Variants in SORCS2 observed in about 807,000 individuals in gnomAD.
The protein encoded by SORCS2 is VPS10 domain-containing receptor SorCS2.
A neutral mutation model predicts 141.6 loss-of-function variants in SORCS2; 100 were observed. That is an observed-to-expected ratio of 0.71 (90% confidence interval 0.60 to 0.83). SORCS2 has a LOEUF of 0.83. SORCS2 is among the 40% of genes least tolerant of loss of function. The pLI is 0.00. For missense variants in SORCS2, 1,646 were observed against 1,560.2 expected, an observed-to-expected ratio of 1.05 and a Z score of -0.93; for synonymous variants, 789 against 676.9, an observed-to-expected ratio of 1.17 and a Z score of -2.57.
chr4:7,562,131 G>A (rs1019934303), intron 3 of SORCS2, among the ~76,000 whole-genome samples: 3 of 152,286 alleles, frequency 2.0e-5, no homozygotes, highest in South Asian at 2.1e-4. Context: ...TGAACTTCTC[G>A]ATTGATTATA....
At chr4:7,486,212 A>G (rs910220089) in intron 2 of SORCS2, among the ~76,000 whole-genome samples, 3 of 152,240 alleles carry the variant, frequency 2.0e-5, no homozygotes, top group African/African-American at 7.2e-5. Context: ...AGCCCCGTCC[A>G]GTGGAGGGGG....
chr4:7,264,571 G>C (rs533622540), intron 1 of SORCS2, among the ~76,000 whole-genome samples: 90 of 152,364 alleles, frequency 5.9e-4, no homozygotes, highest in African/African-American at 2.1e-3. Flanking sequence ...TCCGTGGAGT[G>C]ATGGTGAGGT....
chr4:7,372,741 C>T (rs952852048), intron 1 of SORCS2, among the ~76,000 whole-genome samples: 3 of 152,184 alleles, frequency 2.0e-5, no homozygotes, highest in Non-Finnish European at 2.9e-5. Flanking sequence ...TTGTGGTCAA[C>T]GCCCCCACCC....
At chr4:7,703,450 G>C in intron 13 of SORCS2, 79 bp downstream of exon 13, 2 of 1,176,052 alleles carry the variant, frequency 1.7e-6, no homozygotes, top group Non-Finnish European at 2.4e-6. Flanking sequence ...TCTCAGACTA[G>C]TCCCCAGAAT....
At chr4:7,499,440 G>C (rs1439347698) in intron 2 of SORCS2, among the ~76,000 whole-genome samples, 1 of 152,180 alleles carries the variant, frequency 6.6e-6, no homozygotes, top group African/African-American at 2.4e-5. Flanking sequence ...TTCCAGGGAT[G>C]CCACTGCAGG....
At chr4:7,295,606 T>C (rs56243848) in intron 1 of SORCS2, among the ~76,000 whole-genome samples, 17,635 of 152,218 alleles carry the variant, frequency 0.12, 1,392 homozygotes, top group Admixed American at 0.23. Context: ...CTCACGTCCA[T>C]GTCCTCTGGC....
At chr4:7,338,231 G>T (rs1005686258) in intron 1 of SORCS2, among the ~76,000 whole-genome samples, 1 of 145,726 alleles carries the variant, frequency 6.9e-6, no homozygotes, top group African/African-American at 2.5e-5. Flanking sequence ...GATGGATGTC[G>T]GATGGAAGGA....
chr4:7,703,238 C>A (rs1424326339), intron 12 of SORCS2, 42 bp from the exon 13 acceptor site: 1 of 1,533,214 alleles, frequency 6.5e-7, no homozygotes, highest in Admixed American at 1.9e-5. Context: ...AACCTCCGAC[C>A]TTCTCAGGCC....
chr4:7,448,151 C>T (rs528442485), intron 2 of SORCS2, among the ~76,000 whole-genome samples: 3 of 152,182 alleles, frequency 2.0e-5, no homozygotes, highest in Admixed American at 6.5e-5. Flanking sequence ...TTCTGAGGCA[C>T]AGTTGTGTTT....
chr4:7,356,936 C>A (rs941216528), intron 1 of SORCS2, among the ~76,000 whole-genome samples: 1 of 152,240 alleles, frequency 6.6e-6, no homozygotes, highest in African/African-American at 2.4e-5. Context: ...AAACAATGTG[C>A]TGAGTGCTTG....
rs551775996 is a variant in SORCS2 at position 7,492,616 on chromosome 4, C to T, written c.549-38914C>T. 1.3e-4 allele frequency among the ~76,000 whole-genome samples: 20 copies of T among 152,316 alleles called. No homozygotes were observed. In the East Asian group the frequency reaches 2.9e-3, roughly 22 times the overall value. ...TAGTTCTATTTCTAATTTTGAGGAA[C>T]GTCTGTACTATTTTCCACAGTGGCT... On this transcript the variant is annotated intron_variant, in intron 2 of 26. Coordinates refer to ENST00000507866, the MANE Select transcript of SORCS2 (RefSeq NM_020777.3).
At chr4:7,454,249 G>A (rs1323901736) in intron 2 of SORCS2, among the ~76,000 whole-genome samples, 5 of 123,550 alleles carry the variant, frequency 4.0e-5, no homozygotes, top group Non-Finnish European at 8.3e-5. Flanking sequence ...TGTGTGTTGG[G>A]GTCAGGCTCT....
chr4:7,255,638 C>T (rs1423115713), intron 1 of SORCS2, among the ~76,000 whole-genome samples: 1 of 152,204 alleles, frequency 6.6e-6, no homozygotes, highest in African/African-American at 2.4e-5. Flanking sequence ...AGGCTTGGAT[C>T]AGAGGTCAGG....
intron 1 of SORCS2, among the ~76,000 whole-genome samples, chr4:7,305,033 C>CTT (rs748748182): frequency 3.8e-5 from 2 of 52,760 alleles, no homozygotes; most frequent in African/African-American, 7.1e-5. Context: ...TCTGGCTCTT[C>CTT]TTTTTTTTTT....
intron 3 of SORCS2, among the ~76,000 whole-genome samples, chr4:7,588,215 T>C (rs1716671037): frequency 6.6e-6 from 1 of 152,216 alleles, no homozygotes; most frequent in Admixed American, 6.5e-5. Flanking sequence ...CAAACCGCAT[T>C]GAGAGCCCAT....
At chr4:7,572,516 G>T (rs777010497) in intron 3 of SORCS2, among the ~76,000 whole-genome samples, 1 of 152,106 alleles carries the variant, frequency 6.6e-6, no homozygotes, top group Non-Finnish European at 1.5e-5. Context: ...TGTTTTTTGA[G>T]AACTTTCATT....
chr4:7,700,569 C>T (rs1207402030), intron 12 of SORCS2, among the ~76,000 whole-genome samples: 2 of 152,226 alleles, frequency 1.3e-5, no homozygotes, highest in African/African-American at 4.8e-5. Context: ...CACCCTAAAG[C>T]CTACAGGCCA....
At chr4:7,655,801 C>T (rs572243083) in intron 5 of SORCS2, among the ~76,000 whole-genome samples, 4 of 152,352 alleles carry the variant, frequency 2.6e-5, no homozygotes, top group Admixed American at 6.5e-5. Flanking sequence ...TGAGCCAGGT[C>T]GCTCTGGGGG....
intron 4 of SORCS2, among the ~76,000 whole-genome samples, chr4:7,647,276 A>G (rs536849653): frequency 4.4e-4 from 67 of 152,304 alleles, no homozygotes; most frequent in African/African-American, 1.3e-3. Context: ...CAATTTAGCA[A>G]TCGTGGGTGC....
Sources: allele counts gnomAD v4.1 joint callset (sites outside exome capture counted in the v4.1 genomes callset), GRCh38; gene constraint gnomAD v4.1.1; transcripts MANE v1.5; gene names NCBI Gene and HGNC (gene_info 2026-07-23, HGNC 2026-07-21).